PTK2B: variants seen among roughly 807,000 people sequenced by gnomAD.
PTK2B encodes protein tyrosine kinase 2 beta.
In PTK2B, 71 loss-of-function variants were observed where a neutral mutation model predicts 142.9. The observed-to-expected ratio is 0.50, with a 90% confidence interval of 0.41 to 0.61. PTK2B has a LOEUF of 0.61. Among genes scored for constraint, PTK2B ranks in the 20% least tolerant of loss-of-function variants. PTK2B has a pLI of 0.00. For synonymous variants in PTK2B, 519 were observed against 503.4 expected, an observed-to-expected ratio of 1.03 and a Z score of -0.42; for missense variants, 1,105 against 1,320.4, an observed-to-expected ratio of 0.84 and a Z score of 2.53.
chr8:27,454,116 T>C, intron 28 of PTK2B, 38 bp from the exon 29 acceptor site: 1 of 1,612,608 alleles, frequency 6.2e-7, no homozygotes, highest in Non-Finnish European at 8.5e-7. Flanking sequence ...TGCCCCTGGC[T>C]CTCCCCAACT....
intron 1 of PTK2B, among the ~76,000 whole-genome samples, chr8:27,336,939 G>A (rs183037041): frequency 7.1e-4 from 108 of 152,008 alleles, no homozygotes; most frequent in African/African-American, 2.2e-3. Flanking sequence ...GGATTCAAGC[G>A]ATTCTCCTGC....
At chr8:27,455,725 T>C (rs758535063) in intron 30 of PTK2B, among the ~76,000 whole-genome samples, 2 of 152,250 alleles carry the variant, frequency 1.3e-5, no homozygotes, top group Non-Finnish European at 2.9e-5. Context: ...ACCTTGACTT[T>C]AGCCCAGTTG....
chr8:27,313,955 C>T (rs1803038670), intron 3 of PTK2B, among the ~76,000 whole-genome samples: 1 of 152,188 alleles, frequency 6.6e-6, no homozygotes. Context: ...TTTAGAAAGG[C>T]AGTGTGATAA....
At chr8:27,426,999 A>G (rs952367453) in intron 5 of PTK2B, among the ~76,000 whole-genome samples, 2 of 152,190 alleles carry the variant, frequency 1.3e-5, no homozygotes, top group African/African-American at 2.4e-5. Context: ...TATTCATTCA[A>G]CAACAGATCA....
At chr8:27,435,148 C>G (rs1048684345) in intron 13 of PTK2B, among the ~76,000 whole-genome samples, 9 of 152,324 alleles carry the variant, frequency 5.9e-5, no homozygotes, top group East Asian at 1.9e-4. Context: ...GGCTGGAAGT[C>G]CAAGATCAAG....
intron 1 of PTK2B, among the ~76,000 whole-genome samples, chr8:27,341,075 C>T (rs898943600): frequency 2.0e-5 from 3 of 152,088 alleles, no homozygotes; most frequent in South Asian, 2.1e-4. Flanking sequence ...GCTATTCCAT[C>T]GGGATGATGA....
chr8:27,455,612 G>A (rs1028545964), intron 30 of PTK2B, among the ~76,000 whole-genome samples: 24 of 152,252 alleles, frequency 1.6e-4, no homozygotes, highest in African/African-American at 4.8e-4. Context: ...GGTGACAGAT[G>A]TGATGGATGA....
At chr8:27,368,503 A>G (rs1806151555) in intron 1 of PTK2B, among the ~76,000 whole-genome samples, 1 of 152,124 alleles carries the variant, frequency 6.6e-6, no homozygotes, top group Admixed American at 6.5e-5. Flanking sequence ...ATTGAGTTCA[A>G]TCTCCCTCCC....
intron 5 of PTK2B, among the ~76,000 whole-genome samples, chr8:27,429,509 G>A (rs1810278915): frequency 6.6e-6 from 1 of 152,116 alleles, no homozygotes; most frequent in Admixed American, 6.5e-5. Context: ...TATTTATCAA[G>A]GCATACATTT....
chr8:27,407,984 CTG>C (rs1471398920), intron 2 of PTK2B, among the ~76,000 whole-genome samples: 1 of 152,206 alleles, frequency 6.6e-6, no homozygotes, highest in African/African-American at 2.4e-5. Flanking sequence ...CTAAAAATAA[CTG>C]GAAATCCATT....
chr8:27,332,291 T>G (rs1456589443), intron 1 of PTK2B, among the ~76,000 whole-genome samples: 1 of 152,214 alleles, frequency 6.6e-6, no homozygotes, highest in Non-Finnish European at 1.5e-5. Flanking sequence ...CATTTGAAGA[T>G]GAAGAATTGG....
At chr8:27,378,554 G>T (rs1806806805) in intron 1 of PTK2B, among the ~76,000 whole-genome samples, 1 of 151,616 alleles carries the variant, frequency 6.6e-6, no homozygotes, top group South Asian at 2.1e-4. Flanking sequence ...TGTTGCTCTG[G>T]GGTTTAAGTT....
chr8:27,330,301 G>C (rs758887845), intron 1 of PTK2B, among the ~76,000 whole-genome samples: 11 of 152,140 alleles, frequency 7.2e-5, no homozygotes, highest in Non-Finnish European at 1.5e-4. Flanking sequence ...CTGAGCTGGC[G>C]GGGCAGCACC....
chr8:27,344,451 T>C (rs1422997638), intron 1 of PTK2B, among the ~76,000 whole-genome samples: 1 of 152,218 alleles, frequency 6.6e-6, no homozygotes, highest in East Asian at 1.9e-4. Context: ...ACCCCAGTGT[T>C]TTCCTTAAGG....
intron 2 of PTK2B, among the ~76,000 whole-genome samples, chr8:27,415,119 C>A (rs1809320913): frequency 6.6e-6 from 1 of 152,160 alleles, no homozygotes; most frequent in Non-Finnish European, 1.5e-5. Context: ...TTGGGCCAAG[C>A]ACCGTTCTAT....
At chr8:27,345,387 A>T (rs1192068234) in intron 1 of PTK2B, among the ~76,000 whole-genome samples, 2 of 152,182 alleles carry the variant, frequency 1.3e-5, no homozygotes, top group Non-Finnish European at 1.5e-5. Context: ...TTCATCTTTT[A>T]TACATTTAAA....
At position 27,444,213 on chromosome 8, in the gene PTK2B, G is replaced by T; in HGVS notation, c.2156G>T (p.Arg719Leu). 2.5e-6 allele frequency: 4 copies of T among 1,613,294 alleles called. No homozygotes were observed. The highest frequency in any genetic ancestry group is 2.5e-6 in the Non-Finnish European group (3 of 1,179,364). ...TCTGTGTTCTCTCTCCAGCCCAGCC[G>T]ACCTAAGTACAGACCCCCTCCGCAA... ...AFQEPPPKPS[R>L]PKYRPPPQTN... Residue 719 changes from arginine to leucine, a missense_variant, in exon 23 of 31, where the codon CGA becomes CTA. Physicochemically the swap from Arg to Leu is moderately radical, Grantham distance 102. Coordinates refer to ENST00000346049, the MANE Select transcript of PTK2B (RefSeq NM_173176.3).
At position 27,453,056 on chromosome 8, in the gene PTK2B, G is replaced by A. The variant is rs767875231; in HGVS notation, c.2549-58G>A. On this transcript the variant is annotated intron_variant, in intron 27 of 30. Coordinates refer to ENST00000346049, the MANE Select transcript of PTK2B (RefSeq NM_173176.3). ...GGGCTCATTTGATGTCAGCAGGTACGAAGGGAAGGGTTGGAGTGCTGAGAA... is the reference window on the plus strand; with the variant it reads ...GGGCTCATTTGATGTCAGCAGGTACAAAGGGAAGGGTTGGAGTGCTGAGAA... 96 of 1,593,486 alleles carry A rather than the reference G, an allele frequency of 6.0e-5. 1 individual carries two copies. The highest frequency in any genetic ancestry group is 4.5e-5 in the Non-Finnish European group (52 of 1,162,830).
intron 1 of PTK2B, chr8:27,380,784 C>T (rs898819281): frequency 6.6e-6 from 1 of 152,208 alleles, no homozygotes; most frequent in Non-Finnish European, 1.5e-5. Context: ...GGAGAGGCCT[C>T]ACCATGTAGT....
Sources: gnomAD v4.1 joint callset for allele counts (sites outside exome capture counted in the v4.1 genomes callset) on GRCh38, gnomAD v4.1.1 for gene constraint, MANE v1.5 for transcripts, NCBI Gene and HGNC (gene_info 2026-07-23, HGNC 2026-07-21) for gene names.